UGT8: variants seen among roughly 807,000 people sequenced by gnomAD.
The protein encoded by UGT8 is 2-hydroxyacylsphingosine 1-beta-galactosyltransferase.
In UGT8, 12 loss-of-function variants were observed where a neutral mutation model predicts 40.5. That is an observed-to-expected ratio of 0.30 (90% CI 0.19 to 0.48). The LOEUF is 0.48. Ranked by LOEUF, UGT8 falls within the 20% of genes least tolerant of loss-of-function variation. UGT8 has a pLI of 0.99. For missense variants in UGT8, 513 were observed against 648.7 expected (o/e 0.79, Z 2.27); for synonymous variants, 224 against 240.4 (o/e 0.93, Z 0.63).
At position 114,605,814 on chromosome 4, in the gene UGT8, G is replaced by A. The variant is rs565185040; in HGVS notation, c.-3+6840G>A. Among the ~76,000 whole-genome samples, 202 of 152,118 alleles carry A rather than the reference G, an allele frequency of 1.3e-3. 2 individuals carry two copies. The highest frequency in any genetic ancestry group is 6.8e-3 in the Middle Eastern group (2 of 294). ...CATATTTATAGAATAAGAAAATAGG[G>A]CAAACATTTAACACTTCTTAAATAT... is the stretch of plus-strand genomic sequence containing the variant. On this transcript the variant is annotated intron_variant, in intron 1 of 5. Coordinates refer to ENST00000310836, the MANE Select transcript of UGT8 (RefSeq NM_001128174.3).
intron 2 of UGT8, among the ~76,000 whole-genome samples, chr4:114,651,850 T>A (rs1733912092): frequency 6.6e-6 from 1 of 152,122 alleles, no homozygotes; most frequent in Admixed American, 6.5e-5. Context: ...GTTATTGGAA[T>A]AAACTCTTAT....
At position 114,635,908 on chromosome 4, in the gene UGT8, GAA is replaced by G. The variant is rs553760437; in HGVS notation, c.822+12209_822+12210del. ...TTACAAGAAGAGATAATGTAAGAAT[GAA>G]AAGAGAAATTATTTATGTACTAGAT... On this transcript the variant is annotated intron_variant, in intron 2 of 5. Coordinates refer to ENST00000310836, the MANE Select transcript of UGT8 (RefSeq NM_001128174.3). Among the ~76,000 whole-genome samples the G allele has an allele frequency of 4.7e-4, 72 of 152,128 alleles. 1 individual carries two copies. Among genetic ancestry groups the G allele is most frequent in the Non-Finnish European group, 8.5e-4 (58 of 67,996 alleles).
chr4:114,678,142 ACAGT>A lies in UGT8; in HGVS notation c.*1855_*1858del, dbSNP rs1161569824. On this transcript the variant is annotated 3_prime_UTR_variant, in exon 6 of 6. Transcript: ENST00000310836. ...ACTTTTTTGGAATTTGATTAAGTTG[ACAGT>A]AGGCACTGATTGGATGATTAAACAT... The A allele has an allele frequency of 7.9e-5, 12 of 152,234 alleles. No homozygotes were observed. The highest frequency in any genetic ancestry group is 2.9e-4 in the African/African-American group (12 of 41,460). The allele number at this position is 152,234 out of a possible 1,614,324, so 9.4% of individuals were successfully genotyped here. A position where few individuals can be genotyped will look rare whatever the true frequency, so the allele number is the denominator to read the frequency against.
In UGT8 at chr4:114,676,184, T is replaced by A. The variant is rs1355711044; in HGVS notation, c.1522T>A (p.Ser508Thr). ...CTACAGAAAAATCAAAAGTCTGTGG[T>A]CTAGAAATAAGCATAGCACAGTTAA... ...FIYRKIKSLW[S>T]RNKHSTVNGH... is the part of the protein sequence containing the mutation. Residue 508 changes from serine (S) to threonine (T), a missense_variant, in exon 6 of 6, where the codon TCT (serine) becomes ACT (threonine). By Grantham distance (58) the Ser-to-Thr change is moderately conservative. Coordinates refer to ENST00000310836, the MANE Select transcript of UGT8 (RefSeq NM_001128174.3). 6.2e-7 allele frequency: 1 copy of A among 1,614,134 alleles called. No homozygotes were observed. Among genetic ancestry groups the A allele is most frequent in the Non-Finnish European group, 8.5e-7 (1 of 1,180,020 alleles).
At chr4:114,645,424 A>G (rs1256864362) in intron 2 of UGT8, among the ~76,000 whole-genome samples, 1 of 152,186 alleles carries the variant, frequency 6.6e-6, no homozygotes, top group Non-Finnish European at 1.5e-5. Flanking sequence ...ATAGCGAGAT[A>G]TCAAGCTCAG....
rs28438735 is a variant in UGT8, at chr4:114,602,153, T to C, written c.-3+3179T>C. Among the ~76,000 whole-genome samples the C allele has an allele frequency of 5.0e-3, 767 of 152,332 alleles. 4 individuals are homozygous for C. Among genetic ancestry groups the C allele is most frequent in the African/African-American group, 0.018 (731 of 41,576 alleles). On this transcript the variant is annotated intron_variant, in intron 1 of 5. Transcript: ENST00000310836. ...GTATTAATTTCAGACAATTCAGTCT[T>C]CTGGAATATCTTGGTGTTTCTGAGA...
chr4:114,612,997 T>TC (rs1731183307), intron 1 of UGT8, among the ~76,000 whole-genome samples: 1 of 152,166 alleles, frequency 6.6e-6, no homozygotes, highest in Non-Finnish European at 1.5e-5. Flanking sequence ...ACCCTTTTTT[T>TC]CCCAGTAAGT....
chr4:114,662,312 A>G (rs960965150), intron 2 of UGT8, among the ~76,000 whole-genome samples: 1 of 152,190 alleles, frequency 6.6e-6, no homozygotes, highest in African/African-American at 2.4e-5. Context: ...TTGGCCATTC[A>G]ACCTCATGAT....
At chr4:114,635,912 A>G (rs1366974277) in intron 2 of UGT8, among the ~76,000 whole-genome samples, 4 of 152,210 alleles carry the variant, frequency 2.6e-5, no homozygotes, top group African/African-American at 4.8e-5. Context: ...AAGAATGAAA[A>G]GAGAAATTAT....
chr4:114,605,796 A>G (rs1393846676), intron 1 of UGT8, among the ~76,000 whole-genome samples: 2 of 152,180 alleles, frequency 1.3e-5, no homozygotes, highest in African/African-American at 2.4e-5. Flanking sequence ...AGTCATATTT[A>G]TAGAATAAGA....
intron 2 of UGT8, among the ~76,000 whole-genome samples, chr4:114,628,800 G>T (rs1732403223): frequency 6.7e-6 from 1 of 148,210 alleles, no homozygotes; most frequent in South Asian, 2.3e-4. Flanking sequence ...ACTAGACCAG[G>T]AGATATTCAC....
chr4:114,668,857 C>T (rs544001422), intron 5 of UGT8, among the ~76,000 whole-genome samples: 1 of 152,114 alleles, frequency 6.6e-6, no homozygotes, highest in African/African-American at 2.4e-5. Context: ...GAAGCAGAAT[C>T]TTTATTTTGC....
rs1735657520 is a variant in UGT8 at position 114,676,541 on chromosome 4, A to T, written c.*253A>T. 3.8e-5 allele frequency: 14 copies of T among 371,900 alleles called. No individual in the cohort carries two copies. The highest frequency in any genetic ancestry group is 6.8e-5 in the Non-Finnish European group (14 of 206,534). The allele number at this position is 371,900 out of a possible 1,614,324, so 23.0% of individuals were successfully genotyped here. On this transcript the variant is annotated 3_prime_UTR_variant, in exon 6 of 6. Transcript: ENST00000310836. Reference sequence around the variant, plus strand: ...CCTTTTAGAAGCCTTAATTATTTAAATCAATTCAGTGACTGTGTCAGACCT... The same window carrying T: ...CCTTTTAGAAGCCTTAATTATTTAATTCAATTCAGTGACTGTGTCAGACCT...
chr4:114,638,128 C>T (rs1314132314), intron 2 of UGT8, among the ~76,000 whole-genome samples: 1 of 152,130 alleles, frequency 6.6e-6, no homozygotes, highest in Non-Finnish European at 1.5e-5. Flanking sequence ...TCATTATGAT[C>T]AGACCGGAAA....
intron 2 of UGT8, among the ~76,000 whole-genome samples, chr4:114,655,146 A>C (rs948400166): frequency 6.6e-6 from 1 of 152,018 alleles, no homozygotes; most frequent in African/African-American, 2.4e-5. Flanking sequence ...TAAATTTAAA[A>C]ATAAAAATCG....
intron 1 of UGT8, among the ~76,000 whole-genome samples, chr4:114,602,444 A>C (rs1041457446): frequency 2.6e-5 from 4 of 152,236 alleles, no homozygotes; most frequent in Non-Finnish European, 4.4e-5. Flanking sequence ...TACATAATCA[A>C]ATACATATGA....
intron 2 of UGT8, among the ~76,000 whole-genome samples, chr4:114,644,657 A>T (rs148638657): frequency 1.3e-5 from 2 of 152,146 alleles, no homozygotes; most frequent in South Asian, 4.1e-4. Flanking sequence ...GATACAATTT[A>T]TAATTTGTGA....
chr4:114,608,220 G>T (rs1457765206), intron 1 of UGT8, among the ~76,000 whole-genome samples: 1 of 152,006 alleles, frequency 6.6e-6, no homozygotes, highest in Non-Finnish European at 1.5e-5. Flanking sequence ...TCCCACCTCA[G>T]ACTGTGGCTT....
chr4:114,622,120 A>C, intron 1 of UGT8, among the ~76,000 whole-genome samples: 1 of 105,474 alleles, frequency 9.5e-6, no homozygotes, highest in Non-Finnish European at 1.8e-5. Context: ...CCACCCCACA[A>C]CAGTCCCCAG....
Sources: gnomAD v4.1 joint callset for allele counts (sites outside exome capture counted in the v4.1 genomes callset) on GRCh38, gnomAD v4.1.1 for gene constraint, MANE v1.5 for transcripts, NCBI Gene and HGNC (gene_info 2026-07-23, HGNC 2026-07-21) for gene names.